Variants in RNF216 observed in about 807,000 individuals in gnomAD.
The protein encoded by RNF216 is ring finger protein 216, also known as E3 ubiquitin-protein ligase RNF216.
RNF216 carries 72 observed loss-of-function variants against 110.8 expected under a neutral mutation model. That is an observed-to-expected ratio of 0.65 (90% CI 0.54 to 0.79). The LOEUF (loss-of-function observed/expected upper bound fraction) is 0.79. Among genes scored for constraint, RNF216 ranks in the 30% least tolerant of loss-of-function variants. The probability of loss-of-function intolerance (pLI) is 0.00; values close to 1 mark genes in which losing one functional copy is unlikely to be tolerated. For missense variants in RNF216, 1,342 were observed against 1,141.2 expected (o/e 1.18, Z -2.54); for synonymous variants, 495 against 407.5 (o/e 1.21, Z -2.59).
At chr7:5,737,646 G>C (rs528272836) in intron 5 of RNF216, among the ~76,000 whole-genome samples, 47 of 152,208 alleles carry the variant, frequency 3.1e-4, no homozygotes, top group African/African-American at 1.1e-3. Context: ...GTACAAATTA[G>C]AAAAAAGTAC....
chr7:5,724,223 G>T (rs1186271990), intron 8 of RNF216, among the ~76,000 whole-genome samples: 1 of 152,164 alleles, frequency 6.6e-6, no homozygotes, highest in African/African-American at 2.4e-5. Context: ...GGCACACAGG[G>T]AAGAGGAGAA....
chr7:5,638,147 A>C (rs960126298), intron 15 of RNF216, among the ~76,000 whole-genome samples: 3 of 152,190 alleles, frequency 2.0e-5, no homozygotes, highest in Non-Finnish European at 4.4e-5. Context: ...CCCTGTGGTA[A>C]CTTGGGTCTG....
At chr7:5,678,784 G>T (rs1481943485) in intron 13 of RNF216, among the ~76,000 whole-genome samples, 4 of 152,226 alleles carry the variant, frequency 2.6e-5, no homozygotes, top group Non-Finnish European at 5.9e-5. Flanking sequence ...CACACAGAAG[G>T]TGACGGAGCA....
chr7:5,629,019 G>A (rs775991294), intron 15 of RNF216, among the ~76,000 whole-genome samples: 9 of 151,750 alleles, frequency 5.9e-5, no homozygotes, highest in Admixed American at 1.3e-4. Flanking sequence ...CTAACACGGT[G>A]AAACCCCATC....
intron 13 of RNF216, among the ~76,000 whole-genome samples, chr7:5,679,853 C>A (rs917754022): frequency 1.3e-5 from 2 of 152,198 alleles, no homozygotes; most frequent in Non-Finnish European, 2.9e-5. Flanking sequence ...CCAGGTCCCT[C>A]ACCCGCCTTT....
At chr7:5,763,197 G>T (rs1796023249) in intron 1 of RNF216, among the ~76,000 whole-genome samples, 1 of 152,196 alleles carries the variant, frequency 6.6e-6, no homozygotes, top group African/African-American at 2.4e-5. Context: ...ACTGTTAAGT[G>T]ACATGAGGGA....
chr7:5,758,018 G>A (rs1296955346), intron 2 of RNF216, among the ~76,000 whole-genome samples: 2 of 152,092 alleles, frequency 1.3e-5, no homozygotes, highest in African/African-American at 2.4e-5. Flanking sequence ...AATTAATGCA[G>A]CTAATAAAAA....
intron 1 of RNF216, among the ~76,000 whole-genome samples, chr7:5,762,670 T>C (rs1159886861): frequency 6.6e-5 from 10 of 151,824 alleles, no homozygotes; most frequent in African/African-American, 2.4e-4. Context: ...CCAGCTTGCA[T>C]GACAGAGCGA....
At chr7:5,690,473 T>G (rs1320529145) in intron 13 of RNF216, among the ~76,000 whole-genome samples, 1 of 152,162 alleles carries the variant, frequency 6.6e-6, no homozygotes, top group African/African-American at 2.4e-5. Flanking sequence ...CTGGAATCTA[T>G]CAGCTGCTGC....
At chr7:5,698,836 C>G (rs979546516) in intron 13 of RNF216, among the ~76,000 whole-genome samples, 3 of 152,166 alleles carry the variant, frequency 2.0e-5, no homozygotes, top group Non-Finnish European at 2.9e-5. Flanking sequence ...GCTCTTTAAC[C>G]TTCTCACAAA....
At chr7:5,686,225 A>T (rs1056491924) in intron 13 of RNF216, among the ~76,000 whole-genome samples, 2,412 of 100,130 alleles carry the variant, frequency 0.024, 31 homozygotes, top group Non-Finnish European at 0.032. Context: ...CTCTGTTATT[A>T]AAAAAAAAAA....
At chr7:5,781,444 C>G (rs931369193) in intron 1 of RNF216, 97 bp downstream of exon 1, 3 of 152,006 alleles carry the variant, frequency 2.0e-5, no homozygotes, top group Non-Finnish European at 4.4e-5. Context: ...CGCCCCCGCC[C>G]CCACCCCCGG....
At chr7:5,720,050 A>G (rs552653597) in intron 9 of RNF216, among the ~76,000 whole-genome samples, 4 of 152,380 alleles carry the variant, frequency 2.6e-5, no homozygotes, top group African/African-American at 9.6e-5. Context: ...ATGTAAGTGC[A>G]TGGTGGTGAA....
intron 13 of RNF216, among the ~76,000 whole-genome samples, chr7:5,685,096 C>T (rs1229927791): frequency 6.6e-6 from 1 of 152,176 alleles, no homozygotes; most frequent in Non-Finnish European, 1.5e-5. Context: ...AAGCCGCCAT[C>T]TTGGGTCCTG....
chr7:5,733,754 A>C (rs1161094801), intron 5 of RNF216, among the ~76,000 whole-genome samples: 1 of 152,190 alleles, frequency 6.6e-6, no homozygotes, highest in Non-Finnish European at 1.5e-5. Flanking sequence ...TATTTGAAAA[A>C]CACAGCCAAT....
intron 4 of RNF216, chr7:5,739,560 C>T (rs747875851): frequency 1.4e-5 from 9 of 642,922 alleles, no homozygotes; most frequent in South Asian, 1.4e-4. Context: ...CTTGAGAGAT[C>T]TGGTTCTCTG....
chr7:5,713,896 A>C (rs1057466454), intron 11 of RNF216, among the ~76,000 whole-genome samples: 2 of 152,266 alleles, frequency 1.3e-5, no homozygotes, highest in South Asian at 2.1e-4. Flanking sequence ...CAGTGGCTTA[A>C]GGAATTTAAA....
chr7:5,774,442 A>C (rs1796665847), intron 1 of RNF216, among the ~76,000 whole-genome samples: 1 of 152,194 alleles, frequency 6.6e-6, no homozygotes, highest in Non-Finnish European at 1.5e-5. Context: ...CTACCTCCAA[A>C]AAAATTCATT....
intron 15 of RNF216, among the ~76,000 whole-genome samples, chr7:5,634,307 G>T (rs777967278): frequency 1.3e-5 from 2 of 152,202 alleles, no homozygotes; most frequent in Non-Finnish European, 2.9e-5. Flanking sequence ...TGAGATTCTG[G>T]GGGTGGGTTG....
Sources: allele counts gnomAD v4.1 joint callset (sites outside exome capture counted in the v4.1 genomes callset), GRCh38; gene constraint gnomAD v4.1.1; transcripts MANE v1.5; gene names NCBI Gene and HGNC (gene_info 2026-07-23, HGNC 2026-07-21).